Variants in BMERB1 observed in about 807,000 individuals in gnomAD.
BMERB1 encodes the protein bMERB domain containing 1.
In BMERB1, 12 loss-of-function variants were observed where a neutral mutation model predicts 23.6. The ratio of observed to expected loss-of-function variants is 0.51; its 90% CI spans 0.33 to 0.82. The LOEUF (loss-of-function observed/expected upper bound fraction) is 0.82, where lower values mean the gene tolerates loss of function less well. Ranked by LOEUF, BMERB1 falls within the 40% of genes least tolerant of loss-of-function variation. BMERB1 has a pLI of 0.03. For missense variants in BMERB1, 247 were observed against 255.4 expected, an observed-to-expected ratio of 0.97 and a Z score of 0.22; for synonymous variants, 122 against 96.6, an observed-to-expected ratio of 1.26 and a Z score of -1.54.
rs529487944 is a variant in BMERB1, at chr16:15,444,247, G to T, written c.106+9488G>T. ...TTGGTTGGAAGCCAGCACAGGTAAA[G>T]GCCCTCTTTTAGTACTTCACTCACA... is the stretch of plus-strand genomic sequence containing the variant. On this transcript the variant is annotated intron_variant, in intron 1 of 5. Coordinates refer to ENST00000300006, the MANE Select transcript of BMERB1 (RefSeq NM_033201.3). Among the ~76,000 whole-genome samples the T allele has an allele frequency of 5.4e-5, 8 of 148,872 alleles. 1 individual carries two copies. The South Asian group carries it at 1.7e-3, about 32-fold the overall frequency.
At chr16:15,551,285 C>T (rs2030084523) in intron 2 of BMERB1, among the ~76,000 whole-genome samples, 1 of 152,112 alleles carries the variant, frequency 6.6e-6, no homozygotes, top group African/African-American at 2.4e-5. Flanking sequence ...TGCCAGCCTT[C>T]CTTCCTTCCT....
chr16:15,511,961 A>G (rs11859523), intron 1 of BMERB1, among the ~76,000 whole-genome samples: 4,768 of 134,992 alleles, frequency 0.035, 263 homozygotes, highest in African/African-American at 0.12. Flanking sequence ...TGCAATGAGC[A>G]GAGATTGCAT....
At chr16:15,580,304 A>G (rs962753839) in intron 3 of BMERB1, among the ~76,000 whole-genome samples, 18 of 151,972 alleles carry the variant, frequency 1.2e-4, no homozygotes, top group African/African-American at 3.6e-4. Context: ...GGGTCTCACT[A>G]TGTTGCCCAG....
At chr16:15,558,708 C>A (rs995322430) in intron 2 of BMERB1, among the ~76,000 whole-genome samples, 1 of 148,142 alleles carries the variant, frequency 6.8e-6, no homozygotes, top group Non-Finnish European at 1.5e-5. Context: ...GTAAGGAAGC[C>A]GGTGGGGGGG....
At chr16:15,495,193 T>TTTATTA (rs905908088) in intron 1 of BMERB1, among the ~76,000 whole-genome samples, 1 of 151,210 alleles carries the variant, frequency 6.6e-6, no homozygotes, top group Non-Finnish European at 1.5e-5. Context: ...CTAATTTACT[T>TTTATTA]TTATTATTAT....
At chr16:15,436,302 A>G (rs1598437802) in intron 1 of BMERB1, among the ~76,000 whole-genome samples, 1 of 136,728 alleles carries the variant, frequency 7.3e-6, no homozygotes, top group Admixed American at 8.1e-5. Flanking sequence ...CTTGTTGCCC[A>G]GACTGGAGTG....
intron 2 of BMERB1, 57 bp downstream of exon 2, chr16:15,515,485 C>T: frequency 6.4e-7 from 1 of 1,574,532 alleles, no homozygotes; most frequent in Non-Finnish European, 8.6e-7. Context: ...AGAGGAAAAC[C>T]TAATATTTGT....
At chr16:15,473,147 A>G (rs1206946647) in intron 1 of BMERB1, among the ~76,000 whole-genome samples, 1 of 152,068 alleles carries the variant, frequency 6.6e-6, no homozygotes, top group African/African-American at 2.4e-5. Flanking sequence ...GGCGTGAGCC[A>G]CTGAGGCCAG....
At chr16:15,583,017 G>C (rs1044175396) in intron 4 of BMERB1, 139 bp from the exon 5 acceptor site, 1 of 705,970 alleles carries the variant, frequency 1.4e-6, no homozygotes, top group African/African-American at 1.7e-5. Flanking sequence ...TATACATACT[G>C]TACACGCATA....
chr16:15,482,295 T>TCTGCC (rs2051328759), intron 1 of BMERB1, among the ~76,000 whole-genome samples: 1 of 152,128 alleles, frequency 6.6e-6, no homozygotes. Flanking sequence ...AGAAAAAGAA[T>TCTGCC]CTGCCCTGAG....
chr16:15,584,466 G>A (rs2031091973), intron 5 of BMERB1, among the ~76,000 whole-genome samples: 1 of 151,506 alleles, frequency 6.6e-6, no homozygotes, highest in Admixed American at 6.6e-5. Context: ...GCTGAGGCAG[G>A]AGAATGGCGT....
chr16:15,473,009 G>A (rs867928571), intron 1 of BMERB1, among the ~76,000 whole-genome samples: 48 of 151,990 alleles, frequency 3.2e-4, no homozygotes, highest in Middle Eastern at 3.4e-3. Context: ...ACAGGCATGC[G>A]TCACTATGCC....
At chr16:15,540,869 C>T (rs1206720294) in intron 2 of BMERB1, among the ~76,000 whole-genome samples, 2 of 152,312 alleles carry the variant, frequency 1.3e-5, no homozygotes, top group East Asian at 1.9e-4. Context: ...TGTGTTTTTT[C>T]TGATACCAAA....
At chr16:15,579,661 CTT>C (rs965858591) in intron 3 of BMERB1, among the ~76,000 whole-genome samples, 15 of 149,322 alleles carry the variant, frequency 1.0e-4, no homozygotes, top group Admixed American at 2.6e-4. Flanking sequence ...AGCCCTCTCT[CTT>C]TTTTTTATTT....
chr16:15,531,851 A>T (rs753831039), intron 2 of BMERB1, among the ~76,000 whole-genome samples: 1 of 152,154 alleles, frequency 6.6e-6, no homozygotes, highest in Non-Finnish European at 1.5e-5. Flanking sequence ...TGCTTGGCTG[A>T]GCCTCCTTCC....
chr16:15,436,884 T>G (rs1005241278), intron 1 of BMERB1, among the ~76,000 whole-genome samples: 4 of 152,070 alleles, frequency 2.6e-5, no homozygotes, highest in Admixed American at 2.6e-4. Context: ...GATTTATAAA[T>G]TTAAATCTTG....
rs1404890337 is a variant in BMERB1, at chr16:15,476,162, T to G, written c.107-39143T>G. Among the ~76,000 whole-genome samples the G allele has an allele frequency of 9.8e-4, 8 of 8,164 alleles. No homozygotes were observed. In the Admixed American group the frequency reaches 0.05, roughly 51 times the overall value. The allele number at this position is 8,164 out of a possible 152,430, so 5.4% of individuals were successfully genotyped here. A position where few individuals can be genotyped will look rare whatever the true frequency, so the allele number is the denominator to read the frequency against. On this transcript the variant is annotated intron_variant, in intron 1 of 5. Coordinates refer to ENST00000300006, the MANE Select transcript of BMERB1 (RefSeq NM_033201.3). ...TCCTACTTTGTACATGTCATTCACT[T>G]TTTTTTTTTTTTTTTTTTGAGATGG...
chr16:15,457,075 C>T (rs1466664855), intron 1 of BMERB1, among the ~76,000 whole-genome samples: 1 of 152,150 alleles, frequency 6.6e-6, no homozygotes, highest in Non-Finnish European at 1.5e-5. Flanking sequence ...ATCCACCCAC[C>T]TTGGCCTCCC....
chr16:15,439,158 T>C (rs1156242243), intron 1 of BMERB1, among the ~76,000 whole-genome samples: 1 of 152,186 alleles, frequency 6.6e-6, no homozygotes, highest in Non-Finnish European at 1.5e-5. Flanking sequence ...ATAAAAGATA[T>C]GTAATGTGCT....
Sources: gnomAD v4.1 joint callset for allele counts (sites outside exome capture counted in the v4.1 genomes callset) on GRCh38, gnomAD v4.1.1 for gene constraint, MANE v1.5 for transcripts, NCBI Gene and HGNC (gene_info 2026-07-23, HGNC 2026-07-21) for gene names.